TRAF1: variants seen among roughly 807,000 people sequenced by gnomAD.
TRAF1 encodes TNF receptor associated factor 1.
In TRAF1, 23 loss-of-function variants were observed where a neutral mutation model predicts 40.9. The observed-to-expected ratio is 0.56, with a 90% CI of 0.40 to 0.80. TRAF1 has a LOEUF of 0.80. TRAF1 is among the 30% of genes least tolerant of loss of function. The pLI is 0.00. For missense variants in TRAF1, 477 were observed against 528.7 expected (o/e 0.90, Z 0.96); for synonymous variants, 206 against 218.8 (o/e 0.94, Z 0.52).
At chr9:120,925,161 A>C (rs1423451803) in intron 2 of TRAF1, among the ~76,000 whole-genome samples, 1 of 152,246 alleles carries the variant, frequency 6.6e-6, no homozygotes, top group Non-Finnish European at 1.5e-5. Context: ...AACCGCAAAC[A>C]AAAGGTCATC....
At chr9:120,915,763 G>A (rs1405688555) in intron 3 of TRAF1, among the ~76,000 whole-genome samples, 1 of 152,068 alleles carries the variant, frequency 6.6e-6, no homozygotes. Flanking sequence ...GAGCCCAGGG[G>A]TTCAAGGCTG....
chr9:120,918,315 G>A (rs551393688), intron 3 of TRAF1, among the ~76,000 whole-genome samples: 113 of 151,830 alleles, frequency 7.4e-4, no homozygotes, highest in Admixed American at 1.8e-3. Flanking sequence ...ATAAATATGA[G>A]CCATTATTAC....
At chr9:120,916,681 GC>G (rs1159345397) in intron 3 of TRAF1, among the ~76,000 whole-genome samples, 2 of 148,926 alleles carry the variant, frequency 1.3e-5, no homozygotes, top group Admixed American at 1.4e-4. Flanking sequence ...AGGCCACCCT[GC>G]CCCCACCCCC....
chr9:120,905,390 T>C, intron 7 of TRAF1, 152 bp from the exon 8 acceptor site: 1 of 870,062 alleles, frequency 1.1e-6, no homozygotes, highest in Non-Finnish European at 1.7e-6. Flanking sequence ...AGAAACCAAG[T>C]AAGGAGCGCA....
intron 4 of TRAF1, among the ~76,000 whole-genome samples, 159 bp from the exon 5 acceptor site, chr9:120,913,897 G>T (rs11999410): frequency 3.7e-4 from 57 of 152,294 alleles, no homozygotes; most frequent in African/African-American, 1.3e-3. Flanking sequence ...GAAGACCCTG[G>T]CATCAGACAT....
At chr9:120,922,562 G>A (rs2046612105) in intron 3 of TRAF1, among the ~76,000 whole-genome samples, 1 of 152,168 alleles carries the variant, frequency 6.6e-6, no homozygotes, top group African/African-American at 2.4e-5. Flanking sequence ...CAGCTTGGGA[G>A]GGCCAGGGTT....
chr9:120,906,173 GTTTTTTTTTTTT>G (rs35324048), intron 7 of TRAF1, among the ~76,000 whole-genome samples: 1 of 84,880 alleles, frequency 1.2e-5, no homozygotes, highest in Non-Finnish European at 2.4e-5. Flanking sequence ...ATTATGGTGT[GTTTTTTTTTTTT>G]TTTTTTTTTT....
At chr9:120,917,513 C>T (rs1404570893) in intron 3 of TRAF1, among the ~76,000 whole-genome samples, 6 of 152,208 alleles carry the variant, frequency 3.9e-5, no homozygotes, top group Non-Finnish European at 8.8e-5. Context: ...TTACCCATTG[C>T]TGCTGTAACA....
chr9:120,913,847 A>G (rs1192796468), intron 4 of TRAF1, 109 bp from the exon 5 acceptor site: 4 of 1,304,532 alleles, frequency 3.1e-6, no homozygotes, highest in Non-Finnish European at 3.1e-6. Context: ...TTCACCCAGC[A>G]AAAAGGAGTG....
rs1242037507 is a variant in TRAF1, at chr9:120,914,174, G to A, written c.294+61C>T. The A allele has an allele frequency of 2.2e-6, 3 of 1,354,886 alleles. No individual in the cohort carries two copies. In the East Asian group the frequency reaches 7.6e-5, roughly 34 times the overall value. The allele number at this position is 1,354,886 out of a possible 1,614,324, so 83.9% of individuals were successfully genotyped here. A position where few individuals can be genotyped will look rare whatever the true frequency, so the allele number is the denominator to read the frequency against. On this transcript the variant is annotated intron_variant, in intron 4 of 7. Coordinates refer to ENST00000373887, the MANE Select transcript of TRAF1 (RefSeq NM_005658.5). Reference sequence around the variant, plus strand: ...GAAAATCATGGAGGGGCTGCAGTGGGGAGACCTGGAGGTCTGGAACCATAG... The same window carrying A: ...GAAAATCATGGAGGGGCTGCAGTGGAGAGACCTGGAGGTCTGGAACCATAG...
upstream of TRAF1, chr9:120,928,014 G>C (rs2416806): frequency 0.66 from 100,837 of 152,062 alleles, 33,572 homozygotes; most frequent in South Asian, 0.82. Context: ...CAAAACGTGC[G>C]CAACCTGCTC....
Position 120,904,741 on chromosome 9 carries a change from G to T in TRAF1, c.*279C>A. ...TGGTGAGAGTCCACCTCAACATTCG[G>T]GGCCGGAGTGGCTCACTGGCCTCCC... On this transcript the variant is annotated 3_prime_UTR_variant, in exon 8 of 8. Transcript: ENST00000373887. 1 of 463,550 alleles carries T rather than the reference G, an allele frequency of 2.2e-6. No homozygotes were observed. The highest frequency in any genetic ancestry group is 3.6e-5 in the Admixed American group (1 of 27,446). 28.7% of individuals were successfully genotyped at this position (463,550 alleles called of 1,614,324 possible).
chr9:120,924,226 T>C (rs1250212000), intron 2 of TRAF1, among the ~76,000 whole-genome samples: 2 of 152,218 alleles, frequency 1.3e-5, no homozygotes, highest in African/African-American at 2.4e-5. Flanking sequence ...CATGTGACTA[T>C]ATTTGCTCTT....
chr9:120,913,342 T>G lies in TRAF1; in HGVS notation c.691A>C (p.Ser231Arg). The G allele has an allele frequency of 1.2e-6, 2 of 1,608,602 alleles. No individual in the cohort carries two copies. Among genetic ancestry groups the G allele is most frequent in the Non-Finnish European group, 1.7e-6 (2 of 1,176,270 alleles). ...CCCACACTCACCCTCTGCTCCAAGC[T>G]CAGGATGCGCTCACGGTCCAGCTGG... ...QSQLDRERIL[S>R]LEQRVVELQQ... Residue 231 changes from serine to arginine, a missense_variant, in exon 5 of 8, where the codon AGC becomes CGC. Coordinates refer to ENST00000373887, the MANE Select transcript of TRAF1 (RefSeq NM_005658.5).
At chr9:120,913,882 C>A in intron 4 of TRAF1, 144 bp from the exon 5 acceptor site, 1 of 945,990 alleles carries the variant, frequency 1.1e-6, no homozygotes, top group East Asian at 2.6e-5. Flanking sequence ...GGGAGGGATT[C>A]AGAGGAAGAC....
chr9:120,911,819 C>T (rs959702496), intron 5 of TRAF1, among the ~76,000 whole-genome samples: 5 of 152,144 alleles, frequency 3.3e-5, no homozygotes, highest in African/African-American at 1.2e-4. Flanking sequence ...TCTGGCTTCC[C>T]TACCAGATGG....
Position 120,913,537 on chromosome 9 carries a change from G to C in TRAF1, c.496C>G (p.Arg166Gly), listed in dbSNP as rs773844966. 1 of 1,613,760 alleles carries C rather than the reference G, an allele frequency of 6.2e-7. No individual in the cohort carries two copies. The highest frequency in any genetic ancestry group is 8.5e-7 in the Non-Finnish European group (1 of 1,179,932). The change falls in exon 5 of 8, where the codon CGG becomes GGG. Residue 166 changes from arginine to glycine, a missense_variant. Arg to Gly is a moderately radical substitution (Grantham distance 125). Coordinates refer to ENST00000373887, the MANE Select transcript of TRAF1 (RefSeq NM_005658.5). Reference protein sequence around the residue: ...VAGDLEVDCYRAPCSESQEEL... With the variant: ...VAGDLEVDCYGAPCSESQEEL... ...TCCTGGCTCTCGGAGCAGGGTGCCCGGTAGCAATCGACCTCCAGGTCCCCC... is the reference window on the plus strand; with the variant it reads ...TCCTGGCTCTCGGAGCAGGGTGCCCCGTAGCAATCGACCTCCAGGTCCCCC...
At chr9:120,915,551 G>A (rs1343404630) in intron 3 of TRAF1, among the ~76,000 whole-genome samples, 6 of 152,190 alleles carry the variant, frequency 3.9e-5, no homozygotes, top group African/African-American at 1.4e-4. Context: ...AATGGGCACA[G>A]CCAGGCTCAG....
Position 120,904,744 on chromosome 9 carries a change from C to G in TRAF1, c.*276G>C, listed in dbSNP as rs1254170085. On this transcript the variant is annotated 3_prime_UTR_variant, in exon 8 of 8. Coordinates refer to ENST00000373887, the MANE Select transcript of TRAF1 (RefSeq NM_005658.5). ...TGAGAGTCCACCTCAACATTCGGGGCCGGAGTGGCTCACTGGCCTCCCAGT... is the reference window on the plus strand; with the variant it reads ...TGAGAGTCCACCTCAACATTCGGGGGCGGAGTGGCTCACTGGCCTCCCAGT... The G allele has an allele frequency of 4.2e-6, 2 of 471,116 alleles. No homozygotes were observed. Among genetic ancestry groups the G allele is most frequent in the Non-Finnish European group, 7.7e-6 (2 of 259,104 alleles). 29.2% of individuals were successfully genotyped at this position (471,116 alleles called of 1,614,324 possible).
Sources: gnomAD v4.1 joint callset for allele counts (sites outside exome capture counted in the v4.1 genomes callset) on GRCh38, gnomAD v4.1.1 for gene constraint, MANE v1.5 for transcripts, NCBI Gene and HGNC (gene_info 2026-07-23, HGNC 2026-07-21) for gene names.